The following CPSF4 variants were observed in gnomAD, a reference collection of about 807,000 sequenced individuals.
The protein encoded by CPSF4 is cleavage and polyadenylation specific factor 4.
A neutral mutation model predicts 37.7 loss-of-function variants in CPSF4; 11 were observed. That is an observed-to-expected ratio of 0.29 (90% CI 0.18 to 0.48). The LOEUF is 0.48. CPSF4 is among the 20% of genes least tolerant of loss of function. The probability of loss-of-function intolerance (pLI) is 0.99; values close to 1 mark genes in which losing one functional copy is unlikely to be tolerated. For missense variants in CPSF4, 144 were observed against 359.5 expected (o/e 0.40, Z 4.85); for synonymous variants, 132 against 135.9 (o/e 0.97, Z 0.20).
chr7:99,449,795 A>C (rs1055433018), intron 3 of CPSF4, among the ~76,000 whole-genome samples: 2 of 152,188 alleles, frequency 1.3e-5, no homozygotes, highest in Non-Finnish European at 2.9e-5. Context: ...TGGAAGCGGA[A>C]GACTAAGAAG....
intron 1 of CPSF4, chr7:99,441,602 T>TC: frequency 2.2e-6 from 1 of 447,734 alleles, no homozygotes; most frequent in South Asian, 1.6e-5. Context: ...ACTCATCCTA[T>TC]CCACATGAGA....
Position 99,438,997 on chromosome 7 carries a change from T to C in CPSF4, c.-86T>C. The C allele has an allele frequency of 7.4e-7, 1 of 1,355,016 alleles. No individual in the cohort carries two copies. The highest frequency in any genetic ancestry group is 9.7e-7 in the Non-Finnish European group (1 of 1,029,114). The allele number at this position is 1,355,016 out of a possible 1,614,324, so 83.9% of individuals were successfully genotyped here. A position where few individuals can be genotyped will look rare whatever the true frequency, so the allele number is the denominator to read the frequency against. On this transcript the variant is annotated 5_prime_UTR_variant, in exon 1 of 8. Transcript: ENST00000292476. Reference sequence around the variant, plus strand: ...GGCGAGGCGAAGCGAAGGAGGAGTGTGTGCGGCGGGGCCGGCGGCGGGTAA... The same window carrying C: ...GGCGAGGCGAAGCGAAGGAGGAGTGCGTGCGGCGGGGCCGGCGGCGGGTAA...
intron 1 of CPSF4, chr7:99,443,003 A>C: frequency 6.5e-7 from 1 of 1,535,828 alleles, no homozygotes; most frequent in Non-Finnish European, 9.0e-7. Flanking sequence ...TCAGTTTCTT[A>C]TCATCTTCAG....
chr7:99,448,124 G>A lies in CPSF4; in HGVS notation c.158G>A (p.Gly53Asp), dbSNP rs1372344648. 1 of 1,613,908 alleles carries A rather than the reference G, an allele frequency of 6.2e-7. No individual in the cohort carries two copies. The highest frequency in any genetic ancestry group is 8.5e-7 in the Non-Finnish European group (1 of 1,179,916). ...FFLKAACGKG[G>D]MCPFRHISGE... The stretch of plus-strand genomic sequence containing the variant: ...CCTGTCCCTATCTTGCCGGCAGGGG[G>A]CATGTGTCCGTTTCGCCACATCAGT... The change falls in exon 3 of 8, where the codon GGC becomes GAC. Residue 53 changes from glycine (G) to aspartate (D), a missense_variant. By Grantham distance (94) the Gly-to-Asp change is moderately conservative. This residue lies in a region of CPSF4 where 42 missense variants were observed against 86.4 expected (regional missense o/e 0.49). Coordinates refer to ENST00000292476, the MANE Select transcript of CPSF4 (RefSeq NM_006693.4). The surrounding 1 kb of genome is among the most constrained non-coding windows in gnomAD (Gnocchi z 4.4).
rs1193308276 is a variant in CPSF4 at position 99,453,274 on chromosome 7, C to T, written c.571-692C>T. 1 of 152,602 alleles carries T rather than the reference C, an allele frequency of 6.6e-6. No homozygotes were observed. The allele number at this position is 152,602 out of a possible 1,614,324, so 9.5% of individuals were successfully genotyped here. On this transcript the variant is annotated intron_variant, in intron 6 of 7. Transcript: ENST00000292476. The surrounding 1 kb of genome is among the most constrained non-coding windows in gnomAD (Gnocchi z 4.7). ...CTGCCAAAGCCCCACCAGCCCCGCT[C>T]AGTGCTAGAGGCTGAACAGCCAGGA...
chr7:99,450,429 A>C, intron 4 of CPSF4, 58 bp downstream of exon 4: 1 of 1,264,794 alleles, frequency 7.9e-7, no homozygotes, highest in Non-Finnish European at 1.1e-6. Flanking sequence ...TTCTCTGCCC[A>C]CGACCCTGGA....
At chr7:99,441,780 C>T (rs1336833369) in intron 1 of CPSF4, among the ~76,000 whole-genome samples, 1 of 152,092 alleles carries the variant, frequency 6.6e-6, no homozygotes, top group African/African-American at 2.4e-5. Context: ...GCAACCTCTG[C>T]CTCTGGGTTC....
rs201582011 is a variant in CPSF4, at chr7:99,456,594, C to T, written c.*94C>T. The T allele has an allele frequency of 2.3e-4, 235 of 1,020,078 alleles. 1 individual carries two copies. Among genetic ancestry groups the T allele is most frequent in the Non-Finnish European group, 3.2e-4 (215 of 661,792 alleles). 63.2% of individuals were successfully genotyped at this position (1,020,078 alleles called of 1,614,324 possible). Reference sequence around the variant, plus strand: ...TGCGCTTGTTGGCGCGACTGTGGCTCGAGCTGGCCCGCAGACACGTGGGTT... The same window carrying T: ...TGCGCTTGTTGGCGCGACTGTGGCTTGAGCTGGCCCGCAGACACGTGGGTT... On this transcript the variant is annotated 3_prime_UTR_variant, in exon 8 of 8. Transcript: ENST00000292476.
rs1376149455 is a variant in CPSF4 at position 99,448,343 on chromosome 7, G to T, written c.307+70G>T. The T allele has an allele frequency of 6.6e-7, 1 of 1,509,852 alleles. No individual in the cohort carries two copies. The highest frequency in any genetic ancestry group is 1.4e-5 in the African/African-American group (1 of 72,422). The allele number at this position is 1,509,852 out of a possible 1,614,324, so 93.5% of individuals were successfully genotyped here. A position where few individuals can be genotyped will look rare whatever the true frequency, so the allele number is the denominator to read the frequency against. ...CAGAGGGGTCCGCTGGCTGCTCAGT[G>T]CCCACACTGTCTCTGCCTGCTTTTC... On this transcript the variant is annotated intron_variant, in intron 3 of 7. Coordinates refer to ENST00000292476, the MANE Select transcript of CPSF4 (RefSeq NM_006693.4). This position sits in a 1 kb window ranked among gnomAD's most constrained non-coding sequence, Gnocchi z 4.4.
chr7:99,440,733 CA>C (rs1796903179), intron 1 of CPSF4, among the ~76,000 whole-genome samples: 1 of 135,264 alleles, frequency 7.4e-6, no homozygotes, highest in Non-Finnish European at 1.5e-5. Context: ...TAGTTCTGTA[CA>C]AGATAGTTTC....
At position 99,440,674 on chromosome 7, in the gene CPSF4, A is replaced by ATATATATATATATATTTTTTTT; in HGVS notation, c.103+1490_103+1491insATATATATATATATTTTTTTTT. 1.4e-4 allele frequency among the ~76,000 whole-genome samples: 12 copies of ATATATATATATATATTTTTTTT among 88,078 alleles called. No individual in the cohort carries two copies. In the East Asian group the frequency reaches 2.4e-3, roughly 17 times the overall value. The allele number at this position is 88,078 out of a possible 152,430, so 57.8% of individuals were successfully genotyped here. A position where few individuals can be genotyped will look rare whatever the true frequency, so the allele number is the denominator to read the frequency against. ...ACCTGGCATATATATATATATATAT[A>ATATATATATATATATTTTTTTT]TTTTTTTTTTTTTTTTTTTCCTGCC... On this transcript the variant is annotated intron_variant, in intron 1 of 7. Coordinates refer to ENST00000292476, the MANE Select transcript of CPSF4 (RefSeq NM_006693.4).
intron 1 of CPSF4, among the ~76,000 whole-genome samples, chr7:99,441,014 G>A (rs547660318): frequency 1.7e-4 from 25 of 146,430 alleles, no homozygotes; most frequent in African/African-American, 5.1e-4. Context: ...GCAATGGTGC[G>A]ATCTCGGCTC....
intron 1 of CPSF4, among the ~76,000 whole-genome samples, chr7:99,444,565 G>C (rs1797318138): frequency 6.6e-6 from 1 of 152,124 alleles, no homozygotes; most frequent in African/African-American, 2.4e-5. Context: ...AAAGCACTGG[G>C]TAATGACTGT....
intron 2 of CPSF4, chr7:99,447,714 C>T (rs1261582199): frequency 2.7e-5 from 11 of 402,850 alleles, no homozygotes; most frequent in East Asian, 7.8e-5. Flanking sequence ...CTCAGCCTCC[C>T]GAGTAGCTGG....
At chr7:99,444,959 C>G in intron 2 of CPSF4, 120 bp downstream of exon 2, 1 of 879,250 alleles carries the variant, frequency 1.1e-6, no homozygotes, top group Non-Finnish European at 1.8e-6. Flanking sequence ...CTAACGATCT[C>G]TGTAGATAAA....
intron 2 of CPSF4, among the ~76,000 whole-genome samples, chr7:99,446,829 G>T (rs1797546026): frequency 1.0e-5 from 1 of 99,706 alleles, no homozygotes; most frequent in Admixed American, 1.5e-4. Context: ...TGCTCTTGTT[G>T]CCCAGGCTGG....
intron 1 of CPSF4, among the ~76,000 whole-genome samples, chr7:99,442,663 A>AAAAC (rs1554363452): frequency 6.6e-6 from 1 of 150,974 alleles, no homozygotes; most frequent in Non-Finnish European, 1.5e-5. Context: ...CTCAAAAAAA[A>AAAAC]AAAAAAAAAA....
intron 3 of CPSF4, 72 bp from the exon 4 acceptor site, chr7:99,450,204 T>C (rs1193449616): frequency 8.3e-7 from 1 of 1,210,156 alleles, no homozygotes; most frequent in South Asian, 1.3e-5. Flanking sequence ...CAGAACCTCT[T>C]TTCCTTGGAT....
At chr7:99,443,604 G>A (rs1584489826) in intron 1 of CPSF4, 7 of 531,994 alleles carry the variant, frequency 1.3e-5, no homozygotes, top group Non-Finnish European at 2.4e-5. Flanking sequence ...ACGAGGTCAG[G>A]AGTTCGAGAC....
Sources: allele counts gnomAD v4.1 joint callset (sites outside exome capture counted in the v4.1 genomes callset), GRCh38; gene constraint gnomAD v4.1.1; regional missense constraint gnomAD v4.1.1; non-coding constraint Gnocchi (gnomAD v3.1); transcripts MANE v1.5; gene names NCBI Gene and HGNC (gene_info 2026-07-23, HGNC 2026-07-21).